Variants in TMTC2 observed in about 807,000 individuals in gnomAD.
The protein encoded by TMTC2 is transmembrane O-mannosyltransferase targeting cadherins 2, also known as protein O-mannosyl-transferase TMTC2.
A neutral mutation model predicts 82.4 loss-of-function variants in TMTC2; 43 were observed. That is an observed-to-expected ratio of 0.52 (90% confidence interval 0.41 to 0.67). TMTC2 has a LOEUF of 0.67. Ranked by LOEUF, TMTC2 falls within the 30% of genes least tolerant of loss-of-function variation. The pLI, the probability that TMTC2 is intolerant of heterozygous loss-of-function variation, is 0.00. For synonymous variants in TMTC2, 408 were observed against 381.9 expected, an observed-to-expected ratio of 1.07 and a Z score of -0.80; for missense variants, 919 against 1,012.4, an observed-to-expected ratio of 0.91 and a Z score of 1.25.
intron 8 of TMTC2, among the ~76,000 whole-genome samples, chr12:83,011,348 G>A (rs1237348190): frequency 6.6e-6 from 1 of 151,968 alleles, no homozygotes; most frequent in Non-Finnish European, 1.5e-5. Context: ...CATCCTTTTT[G>A]TCTGTAAAAT....
intron 1 of TMTC2, among the ~76,000 whole-genome samples, chr12:82,733,847 A>G (rs544117626): frequency 1.3e-5 from 2 of 152,358 alleles, no homozygotes; most frequent in Non-Finnish European, 2.9e-5. Flanking sequence ...ATATATTTAC[A>G]TAGCTGTGGA....
chr12:82,791,544 A>G (rs955416342), intron 1 of TMTC2, among the ~76,000 whole-genome samples: 1 of 152,134 alleles, frequency 6.6e-6, no homozygotes, highest in Non-Finnish European at 1.5e-5. Flanking sequence ...TTCAGAAGGG[A>G]AGGGATTTAG....
At chr12:82,697,126 A>T (rs1035681231) in intron 1 of TMTC2, among the ~76,000 whole-genome samples, 8 of 151,758 alleles carry the variant, frequency 5.3e-5, no homozygotes, top group Non-Finnish European at 7.4e-5. Context: ...GAGGTGGATC[A>T]TGAGGTCAGG....
chr12:82,937,905 A>T (rs1218069708), intron 4 of TMTC2, among the ~76,000 whole-genome samples: 2 of 89,224 alleles, frequency 2.2e-5, no homozygotes, highest in East Asian at 8.8e-4. Context: ...CATAGATTCA[A>T]ACCTTTTTTT....
At chr12:82,981,100 T>C (rs1878895033) in intron 7 of TMTC2, among the ~76,000 whole-genome samples, 2 of 151,888 alleles carry the variant, frequency 1.3e-5, no homozygotes, top group South Asian at 4.1e-4. Flanking sequence ...GTGCAAGATA[T>C]ATGTTCAAGA....
At chr12:82,918,325 G>T (rs1004402742) in intron 3 of TMTC2, among the ~76,000 whole-genome samples, 1 of 152,192 alleles carries the variant, frequency 6.6e-6, no homozygotes. Context: ...TGACTGGCAA[G>T]ATTGCAATTT....
At chr12:83,053,399 G>A (rs1301619678) in intron 10 of TMTC2, among the ~76,000 whole-genome samples, 2 of 151,986 alleles carry the variant, frequency 1.3e-5, no homozygotes, top group Non-Finnish European at 2.9e-5. Context: ...TCCCAAATCA[G>A]CAATTTAGGG....
chr12:83,026,769 T>C (rs1030379834), intron 8 of TMTC2, among the ~76,000 whole-genome samples: 5 of 151,778 alleles, frequency 3.3e-5, no homozygotes, highest in Admixed American at 3.3e-4. Flanking sequence ...TTTATATTTG[T>C]GTATTTTGTG....
intron 8 of TMTC2, among the ~76,000 whole-genome samples, chr12:83,007,621 A>G (rs569200297): frequency 6.6e-6 from 1 of 152,336 alleles, no homozygotes; most frequent in Admixed American, 6.5e-5. Flanking sequence ...TATATGCTGT[A>G]ATCATCTAAT....
At chr12:82,917,496 A>G (rs1364550140) in intron 3 of TMTC2, among the ~76,000 whole-genome samples, 1 of 152,078 alleles carries the variant, frequency 6.6e-6, no homozygotes, top group Non-Finnish European at 1.5e-5. Flanking sequence ...TCTTCTATTA[A>G]TAGTACAAAC....
chr12:82,747,398 C>A (rs1022313685), intron 1 of TMTC2, among the ~76,000 whole-genome samples: 3 of 152,146 alleles, frequency 2.0e-5, no homozygotes, highest in Non-Finnish European at 4.4e-5. Context: ...AAGCTTGTCT[C>A]CTGATTCAAG....
chr12:82,784,463 G>A (rs1474613317), intron 1 of TMTC2, among the ~76,000 whole-genome samples: 4 of 152,006 alleles, frequency 2.6e-5, no homozygotes, highest in Admixed American at 6.6e-5. Flanking sequence ...ATGATCGCAC[G>A]GCCTGATACA....
chr12:82,725,356 G>A (rs1316137276), intron 1 of TMTC2, among the ~76,000 whole-genome samples: 1 of 152,006 alleles, frequency 6.6e-6, no homozygotes, highest in Non-Finnish European at 1.5e-5. Flanking sequence ...TTTGTTAGAT[G>A]TGAATTTATT....
At position 82,737,381 on chromosome 12, in the gene TMTC2, G is replaced by A. The variant is rs146599789; in HGVS notation, c.83+49712G>A. On this transcript the variant is annotated intron_variant, in intron 1 of 11. Coordinates refer to ENST00000321196, the MANE Select transcript of TMTC2 (RefSeq NM_152588.3). ...TGTGAGAGTAATGGTAATAAAAATT[G>A]TTACGTGCAGCACTGTTTAGAAATG... is the stretch of plus-strand genomic sequence containing the variant. 1.0e-3 allele frequency among the ~76,000 whole-genome samples: 158 copies of A among 152,170 alleles called. 4 individuals carry two copies. The East Asian group carries it at 0.029, about 28-fold the overall frequency.
At chr12:82,956,604 C>T (rs937218479) in intron 4 of TMTC2, among the ~76,000 whole-genome samples, 28 of 152,044 alleles carry the variant, frequency 1.8e-4, no homozygotes, top group African/African-American at 5.8e-4. Context: ...CAGGTGCCCA[C>T]GACCATGTCT....
intron 2 of TMTC2, among the ~76,000 whole-genome samples, chr12:82,895,223 A>G (rs2137178323): frequency 6.6e-6 from 1 of 152,266 alleles, no homozygotes; most frequent in African/African-American, 2.4e-5. Context: ...AATATGGGGC[A>G]GCAGATAAAA....
At chr12:83,105,828 G>C (rs2137538777) in intron 11 of TMTC2, among the ~76,000 whole-genome samples, 1 of 152,248 alleles carries the variant, frequency 6.6e-6, no homozygotes, top group Middle Eastern at 3.4e-3. Flanking sequence ...GAATTCCTTA[G>C]AGTAAGATCA....
At chr12:83,068,115 C>A (rs1234243405) in intron 11 of TMTC2, among the ~76,000 whole-genome samples, 1 of 151,974 alleles carries the variant, frequency 6.6e-6, no homozygotes, top group Admixed American at 6.6e-5. Context: ...TGACAAAAAG[C>A]AGCTGTGTTA....
chr12:83,051,989 T>TTA (rs1176419077), intron 10 of TMTC2, among the ~76,000 whole-genome samples: 1 of 151,960 alleles, frequency 6.6e-6, no homozygotes, highest in Non-Finnish European at 1.5e-5. Context: ...GTCATGTTAG[T>TTA]TATATATATA....
Sources: allele counts gnomAD v4.1 joint callset (sites outside exome capture counted in the v4.1 genomes callset), GRCh38; gene constraint gnomAD v4.1.1; transcripts MANE v1.5; gene names NCBI Gene and HGNC (gene_info 2026-07-23, HGNC 2026-07-21).